Variants in GRM7 observed in about 807,000 individuals in gnomAD.
GRM7 encodes the protein metabotropic glutamate receptor 7.
GRM7 carries 35 observed loss-of-function variants against 84.5 expected under a neutral mutation model. The observed-to-expected ratio is 0.41, with a 90% confidence interval of 0.32 to 0.55. GRM7 has a LOEUF of 0.55. GRM7 is among the 20% of genes least tolerant of loss of function. The pLI, the probability that GRM7 is intolerant of heterozygous loss-of-function variation, is 0.19. For missense variants in GRM7, 1,003 were observed against 1,194.6 expected (o/e 0.84, Z 2.36); for synonymous variants, 487 against 455.1 (o/e 1.07, Z -0.89).
intron 2 of GRM7, among the ~76,000 whole-genome samples, chr3:7,153,227 G>C (rs542278207): frequency 6.7e-5 from 10 of 149,274 alleles, no homozygotes; most frequent in African/African-American, 2.2e-4. Context: ...GCCTTCAGAG[G>C]GATTCTGTTT....
intron 1 of GRM7, among the ~76,000 whole-genome samples, chr3:7,134,767 C>T (rs1267342117): frequency 6.6e-6 from 1 of 152,074 alleles, no homozygotes; most frequent in Non-Finnish European, 1.5e-5. Flanking sequence ...TAGATGGGCA[C>T]AAACAGTGAG....
chr3:7,611,541 G>C (rs1696846710), intron 8 of GRM7, among the ~76,000 whole-genome samples: 1 of 152,092 alleles, frequency 6.6e-6, no homozygotes, highest in African/African-American at 2.4e-5. Context: ...AGAGAAACAG[G>C]GACAGCTGTC....
chr3:6,872,541 C>T (rs191367292), intron 1 of GRM7, among the ~76,000 whole-genome samples: 1 of 152,014 alleles, frequency 6.6e-6, no homozygotes, highest in Admixed American at 6.6e-5. Flanking sequence ...TATACATGTG[C>T]CATGGTGGTT....
chr3:7,103,732 TTC>T (rs1383713875), intron 1 of GRM7, among the ~76,000 whole-genome samples: 6 of 141,700 alleles, frequency 4.2e-5, no homozygotes, highest in Admixed American at 4.2e-4. Context: ...TTCTCTCTTT[TTC>T]TCTTTCTCTC....
intron 8 of GRM7, among the ~76,000 whole-genome samples, chr3:7,580,917 C>T (rs1442378506): frequency 6.6e-6 from 1 of 151,836 alleles, no homozygotes; most frequent in African/African-American, 2.4e-5. Context: ...AATATGTGCT[C>T]GTAAGTTGAT....
chr3:7,407,985 A>G (rs1251483505), intron 4 of GRM7, among the ~76,000 whole-genome samples: 1 of 152,326 alleles, frequency 6.6e-6, no homozygotes, highest in Admixed American at 6.5e-5. Flanking sequence ...TAAAAACTAC[A>G]TATATTAGCA....
intron 7 of GRM7, among the ~76,000 whole-genome samples, chr3:7,511,354 T>C (rs1700191894): frequency 6.6e-6 from 1 of 152,224 alleles, no homozygotes; most frequent in African/African-American, 2.4e-5. Flanking sequence ...CACCTGAGCC[T>C]ATTCCCTTCT....
intron 1 of GRM7, among the ~76,000 whole-genome samples, chr3:6,945,505 T>C (rs1698039095): frequency 6.6e-6 from 1 of 152,116 alleles, no homozygotes. Flanking sequence ...CTCTTGTGAA[T>C]AGTGCCGCAA....
At chr3:7,295,864 G>A (rs541984787) in intron 2 of GRM7, among the ~76,000 whole-genome samples, 1 of 151,902 alleles carries the variant, frequency 6.6e-6, no homozygotes, top group East Asian at 1.9e-4. Context: ...AAATAGAACT[G>A]ATTTTACTTT....
chr3:7,359,255 T>TGTGTGTGTGTGTGTGTGTGTGTGTG (rs754428287), intron 4 of GRM7, among the ~76,000 whole-genome samples: 4 of 136,512 alleles, frequency 2.9e-5, no homozygotes, highest in Admixed American at 1.5e-4. Flanking sequence ...TGTGTGTGTG[T>TGTGTGTGTGTGTGTGTGTGTGTGTG]TGTGGTTTTA....
At chr3:7,069,787 T>C (rs1217391985) in intron 1 of GRM7, among the ~76,000 whole-genome samples, 1 of 152,046 alleles carries the variant, frequency 6.6e-6, no homozygotes, top group African/African-American at 2.4e-5. Context: ...CTTTTATAGA[T>C]CTGTGTAGCT....
At chr3:7,606,186 T>A (rs1213157203) in intron 8 of GRM7, among the ~76,000 whole-genome samples, 2 of 152,210 alleles carry the variant, frequency 1.3e-5, no homozygotes, top group Non-Finnish European at 1.5e-5. Flanking sequence ...TGAGCAACTC[T>A]TCTAATTTGA....
intron 1 of GRM7, among the ~76,000 whole-genome samples, chr3:6,946,785 A>T (rs1045425251): frequency 6.6e-6 from 1 of 152,040 alleles, no homozygotes; most frequent in Admixed American, 6.6e-5. Context: ...GTAAGTTGGA[A>T]TCCTATGTAT....
chr3:6,887,738 A>G (rs1465443121), intron 1 of GRM7, among the ~76,000 whole-genome samples: 1 of 152,146 alleles, frequency 6.6e-6, no homozygotes, highest in Admixed American at 6.6e-5. Context: ...TCCTTTGGGT[A>G]TATACCCCGT....
At position 7,542,726 on chromosome 3, in the gene GRM7, T is replaced by C. The variant is rs555731261; in HGVS notation, c.1516-35696T>C. On this transcript the variant is annotated intron_variant, in intron 7 of 9. Coordinates refer to ENST00000357716, the MANE Select transcript of GRM7 (RefSeq NM_000844.4). ...CCACGCCAGGCCAATTTTTGTATTT[T>C]TAGTAGAGACAGGTTTTCACCACGT... Among the ~76,000 whole-genome samples the C allele has an allele frequency of 5.9e-5, 9 of 152,172 alleles. No individual in the cohort carries two copies. In the South Asian group the frequency reaches 1.0e-3, roughly 18 times the overall value.
At chr3:7,454,584 C>T (rs1362626261) in intron 6 of GRM7, among the ~76,000 whole-genome samples, 2 of 151,916 alleles carry the variant, frequency 1.3e-5, no homozygotes, top group Non-Finnish European at 2.9e-5. Context: ...ATATATTAGA[C>T]AATATCTAGT....
rs142798947 is a variant in GRM7 at position 7,602,116 on chromosome 3, T to TAAAC, written c.2451+22765_2451+22768dup. 6.2e-3 allele frequency among the ~76,000 whole-genome samples: 918 copies of TAAAC among 148,168 alleles called. 15 individuals carry two copies. The highest frequency in any genetic ancestry group is 0.035 in the South Asian group (165 of 4,664). On this transcript the variant is annotated intron_variant, in intron 8 of 9. Transcript: ENST00000357716. ...AAAAAAAAAAAGGCATTCTGTTTGT[T>TAAAC]AAACAAACACTTATCTTTGGAAAAC...
intron 7 of GRM7, among the ~76,000 whole-genome samples, chr3:7,474,374 T>A (rs1698833122): frequency 6.6e-6 from 1 of 151,934 alleles, no homozygotes; most frequent in Non-Finnish European, 1.5e-5. Context: ...TTCTTAGGCA[T>A]GCTTTGATCA....
At chr3:7,270,921 G>T (rs1698829943) in intron 2 of GRM7, among the ~76,000 whole-genome samples, 1 of 152,116 alleles carries the variant, frequency 6.6e-6, no homozygotes, top group Admixed American at 6.5e-5. Context: ...CTGGATCTTG[G>T]GCTGGTGTTA....
Sources: gnomAD v4.1 joint callset for allele counts (sites outside exome capture counted in the v4.1 genomes callset) on GRCh38, gnomAD v4.1.1 for gene constraint, MANE v1.5 for transcripts, NCBI Gene and HGNC (gene_info 2026-07-23, HGNC 2026-07-21) for gene names.